Variants in FAM118B observed in about 807,000 individuals in gnomAD.
FAM118B encodes the protein protein FAM118B.
A neutral mutation model predicts 38.5 loss-of-function variants in FAM118B; 24 were observed. The observed-to-expected ratio is 0.62, with a 90% CI of 0.45 to 0.88. The LOEUF is 0.88. FAM118B is among the 40% of genes least tolerant of loss of function. FAM118B has a pLI of 0.00. For missense variants in FAM118B, 334 were observed against 420.0 expected (o/e 0.80, Z 1.79); for synonymous variants, 138 against 156.3 (o/e 0.88, Z 0.87).
rs7938044 is a variant in FAM118B, at chr11:126,224,183, A to G, written c.-76-5042A>G. ...GTGGAGGAGGCAGATAACAATAAATATAATTAGGGCCAGGTCCAGTGACTC... is the reference window on the plus strand; with the variant it reads ...GTGGAGGAGGCAGATAACAATAAATGTAATTAGGGCCAGGTCCAGTGACTC... On this transcript the variant is annotated intron_variant, in intron 1 of 8. Transcript: ENST00000533050. 6.5e-3 allele frequency among the ~76,000 whole-genome samples: 996 copies of G among 152,248 alleles called. 10 individuals are homozygous for G. The highest frequency in any genetic ancestry group is 0.021 in the African/African-American group (880 of 41,538).
rs564384070 is a variant in FAM118B, at chr11:126,252,438, A to G, written c.567+1705A>G. Reference sequence around the variant, plus strand: ...AATATGACAGTTAGGTGCTTGGTAAATATTTTTTTGATTAATAAATGATTG... The same window carrying G: ...AATATGACAGTTAGGTGCTTGGTAAGTATTTTTTTGATTAATAAATGATTG... On this transcript the variant is annotated intron_variant, in intron 5 of 8. Coordinates refer to ENST00000533050, the MANE Select transcript of FAM118B (RefSeq NM_024556.4). This position sits in a 1 kb window ranked among gnomAD's most constrained non-coding sequence, Gnocchi z 4.7. Among the ~76,000 whole-genome samples, 1 of 152,290 alleles carries G rather than the reference A, an allele frequency of 6.6e-6. No homozygotes were observed. Among genetic ancestry groups the G allele is most frequent in the Non-Finnish European group, 1.5e-5 (1 of 68,016 alleles).
At chr11:126,243,775 ATGCCTGTAATCCC>A (rs1950386848) in intron 4 of FAM118B, among the ~76,000 whole-genome samples, 2 of 151,926 alleles carry the variant, frequency 1.3e-5, no homozygotes, top group Admixed American at 6.6e-5. Context: ...ATGGTAGTGC[ATGCCTGTAATCCC>A]AGCTACCCAG....
At chr11:126,249,761 G>GA (rs1394378810) in intron 4 of FAM118B, among the ~76,000 whole-genome samples, 1 of 134,516 alleles carries the variant, frequency 7.4e-6, no homozygotes, top group African/African-American at 2.7e-5. Context: ...AAAAGAAAAA[G>GA]AAAAGGAGAT....
chr11:126,247,290 CAA>C (rs935933348), intron 4 of FAM118B, among the ~76,000 whole-genome samples: 2 of 151,804 alleles, frequency 1.3e-5, no homozygotes, highest in Admixed American at 1.3e-4. Context: ...GACTTTCTCT[CAA>C]AAAAAGAGAC....
At chr11:126,226,128 C>G (rs1950138362) in intron 1 of FAM118B, among the ~76,000 whole-genome samples, 1 of 150,862 alleles carries the variant, frequency 6.6e-6, no homozygotes, top group South Asian at 2.1e-4. Context: ...GGCGCAAGTT[C>G]CTATCACTGT....
intron 5 of FAM118B, among the ~76,000 whole-genome samples, chr11:126,251,267 A>G (rs1165149415): frequency 3.9e-5 from 6 of 152,302 alleles, no homozygotes; most frequent in East Asian, 1.9e-4. Context: ...AGCTAATGAG[A>G]TGAGTTCTTA....
intron 2 of FAM118B, among the ~76,000 whole-genome samples, chr11:126,229,841 G>A (rs1950186087): frequency 6.6e-6 from 1 of 152,212 alleles, no homozygotes; most frequent in Non-Finnish European, 1.5e-5. Flanking sequence ...AATCCTTAAT[G>A]TCTTTCAGAA....
rs761741577 is a variant in FAM118B at position 126,240,873 on chromosome 11, G to A, written c.168G>A (p.Ala56=). The A allele has an allele frequency of 1.7e-5, 27 of 1,614,090 alleles. No homozygotes were observed. The highest frequency in any genetic ancestry group is 1.3e-4 in the African/African-American group (10 of 75,022). ...GAACAGGCATTAGTGCTGCAGTTGC[G>A]CCCCAAGTTCCAGCCCTCAAATCCT... The part of the protein sequence containing the change: ...VIGTGISAAV[A]PQVPALKSWK... The change falls in exon 4 of 9, where the codon GCG becomes GCA. Residue 56 remains alanine, a synonymous_variant. Coordinates refer to ENST00000533050, the MANE Select transcript of FAM118B (RefSeq NM_024556.4).
chr11:126,261,264 T>TG, intron 7 of FAM118B, 161 bp from the exon 8 acceptor site: 1 of 613,704 alleles, frequency 1.6e-6, no homozygotes, highest in Middle Eastern at 3.6e-4. Context: ...CTACTCCAGT[T>TG]TATCCTCTCT....
At chr11:126,225,157 G>A (rs886606104) in intron 1 of FAM118B, among the ~76,000 whole-genome samples, 3 of 152,166 alleles carry the variant, frequency 2.0e-5, no homozygotes, top group Admixed American at 1.3e-4. Context: ...GAGAGGCAGC[G>A]ATTGTGGGCT....
At chr11:126,236,219 G>A (rs746215241) in intron 3 of FAM118B, among the ~76,000 whole-genome samples, 1 of 152,184 alleles carries the variant, frequency 6.6e-6, no homozygotes, top group South Asian at 2.1e-4. Context: ...TTTGGTGCAC[G>A]CCTTTGTTTT....
chr11:126,232,150 A>AT (rs1199121449), intron 2 of FAM118B, among the ~76,000 whole-genome samples: 2 of 151,878 alleles, frequency 1.3e-5, no homozygotes, highest in Non-Finnish European at 2.9e-5. Flanking sequence ...TTTCTAGGGG[A>AT]TTTTTTTGTT....
intron 1 of FAM118B, among the ~76,000 whole-genome samples, chr11:126,214,939 G>C (rs588361): frequency 6.6e-6 from 1 of 151,956 alleles, no homozygotes; most frequent in Non-Finnish European, 1.5e-5. Flanking sequence ...GTTAAGTTAC[G>C]CCTCCTCAAA....
chr11:126,260,782 C>T (rs1370536958), intron 7 of FAM118B: 1 of 152,168 alleles, frequency 6.6e-6, no homozygotes. Flanking sequence ...CTATTTTCTT[C>T]CATGTGTTCA....
Position 126,256,720 on chromosome 11 carries a change from G to A in FAM118B, c.850G>A (p.Asp284Asn). 6.2e-7 allele frequency: 1 copy of A among 1,614,158 alleles called. No individual in the cohort carries two copies. The highest frequency in any genetic ancestry group is 1.1e-5 in the South Asian group (1 of 91,082). Residue 284 changes from aspartate (D) to asparagine (N), a missense_variant, in exon 7 of 9, where the codon GAT (aspartate) becomes AAT (asparagine). By Grantham distance (23) the Asp-to-Asn change is conservative. Transcript: ENST00000533050. The surrounding 1 kb of genome is among the most constrained non-coding windows in gnomAD (Gnocchi z 6.6). Reference sequence around the variant, plus strand: ...CATGCTGGTTCGGAGAGGAGACGTAGATGAGTTCAAAAAGCTTCGAGAAAA... The same window carrying A: ...CATGCTGGTTCGGAGAGGAGACGTAAATGAGTTCAAAAAGCTTCGAGAAAA... ...HFMLVRRGDV[D>N]EFKKLRENML...
intron 3 of FAM118B, among the ~76,000 whole-genome samples, chr11:126,238,068 G>A (rs984730634): frequency 2.6e-5 from 4 of 151,680 alleles, no homozygotes; most frequent in Non-Finnish European, 5.9e-5. Context: ...ACACCAAAAA[G>A]CCAATGGAAG....
chr11:126,233,730 G>A (rs749606864), intron 2 of FAM118B: 14 of 456,390 alleles, frequency 3.1e-5, no homozygotes, highest in Non-Finnish European at 5.3e-5. Context: ...GGGTGAGGAT[G>A]TGAGCCTTCT....
intron 1 of FAM118B, among the ~76,000 whole-genome samples, chr11:126,217,858 G>C (rs1950000918): frequency 6.6e-6 from 1 of 152,246 alleles, no homozygotes; most frequent in Non-Finnish European, 1.5e-5. Context: ...GGTTCTCTCA[G>C]AATGTTGAAG....
intron 2 of FAM118B, among the ~76,000 whole-genome samples, chr11:126,230,056 A>G (rs1565328771): frequency 6.6e-6 from 1 of 152,202 alleles, no homozygotes; most frequent in Non-Finnish European, 1.5e-5. Context: ...ATTAGGAGCC[A>G]ATCGAGTTCA....
Sources: gnomAD v4.1 joint callset for allele counts (sites outside exome capture counted in the v4.1 genomes callset) on GRCh38, gnomAD v4.1.1 for gene constraint, Gnocchi (gnomAD v3.1) non-coding constraint, MANE v1.5 for transcripts, NCBI Gene and HGNC (gene_info 2026-07-23, HGNC 2026-07-21) for gene names.